Variants in TMEM135 observed in about 807,000 individuals in gnomAD.
TMEM135 encodes peroxisomal membrane protein 52.
Under a neutral mutation model 60.3 loss-of-function variants are expected in TMEM135, and 30 were observed. The observed-to-expected ratio is 0.50, with a 90% CI of 0.37 to 0.68. The LOEUF is 0.68. TMEM135 is among the 30% of genes least tolerant of loss of function. The pLI is 0.00. For synonymous variants in TMEM135, 190 were observed against 186.7 expected, an observed-to-expected ratio of 1.02 and a Z score of -0.14; for missense variants, 468 against 548.8, an observed-to-expected ratio of 0.85 and a Z score of 1.47.
At chr11:87,111,842 C>G (rs1200738943) in intron 4 of TMEM135, among the ~76,000 whole-genome samples, 1 of 151,748 alleles carries the variant, frequency 6.6e-6, no homozygotes. Context: ...TTTTATTGTC[C>G]CATTTATAGA....
chr11:87,102,197 G>C (rs934718101), intron 4 of TMEM135, among the ~76,000 whole-genome samples: 2 of 152,138 alleles, frequency 1.3e-5, no homozygotes, highest in Non-Finnish European at 2.9e-5. Flanking sequence ...CACCTCAGAT[G>C]CCAATAGAAA....
rs575867648 is a variant in TMEM135 at position 87,245,338 on chromosome 11, G to A, written c.509+8654G>A. 1.9e-4 allele frequency among the ~76,000 whole-genome samples: 23 copies of A among 118,286 alleles called. 2 individuals are homozygous for A. In the South Asian group the frequency reaches 2.2e-3, roughly 11 times the overall value. The allele number at this position is 118,286 out of a possible 152,430, so 77.6% of individuals were successfully genotyped here. On this transcript the variant is annotated intron_variant, in intron 6 of 14. Transcript: ENST00000305494. ...AAAATATATATTCTGTTGATTTGGG[G>A]TGGAGGGTTCTGTAGATGTCTGTTA... is the stretch of plus-strand genomic sequence containing the variant.
chr11:87,038,083 A>G lies in TMEM135; in HGVS notation c.38A>G (p.Tyr13Cys), dbSNP rs1207216652. Reference sequence around the variant, plus strand: ...AGCAAGTCCATCCCTCATAACTGCTATGAGATCGGCCACACTTGGCACCCT... The same window carrying G: ...AGCAAGTCCATCCCTCATAACTGCTGTGAGATCGGCCACACTTGGCACCCT... ...ALSKSIPHNC[Y>C]EIGHTWHPSC... Residue 13 changes from tyrosine (Y) to cysteine (C), a missense_variant, in exon 1 of 15, where the codon TAT becomes TGT. Physicochemically the swap from Tyr to Cys is radical, Grantham distance 194. Coordinates refer to ENST00000305494, the MANE Select transcript of TMEM135 (RefSeq NM_022918.4). 1 of 1,614,026 alleles carries G rather than the reference A, an allele frequency of 6.2e-7. No homozygotes were observed. Among genetic ancestry groups the G allele is most frequent in the Non-Finnish European group, 8.5e-7 (1 of 1,179,970 alleles).
Position 87,327,986 on chromosome 11 carries a change from C to G in TMEM135, c.*6653C>G, listed in dbSNP as rs1281250398. Reference sequence around the variant, plus strand: ...CTTCTCTGCCTAGTCCACGCTAACTCACATGCCAATCTCCTCTGGAAACAC... The same window carrying G: ...CTTCTCTGCCTAGTCCACGCTAACTGACATGCCAATCTCCTCTGGAAACAC... On this transcript the variant is annotated 3_prime_UTR_variant, in exon 15 of 15. Coordinates refer to ENST00000305494, the MANE Select transcript of TMEM135 (RefSeq NM_022918.4). 2 of 454,056 alleles carry G rather than the reference C, an allele frequency of 4.4e-6. No homozygotes were observed. The highest frequency in any genetic ancestry group is 3.1e-5 in the South Asian group (2 of 64,472). 28.1% of individuals were successfully genotyped at this position (454,056 alleles called of 1,614,324 possible).
At chr11:87,222,942 A>G (rs12788308) in intron 5 of TMEM135, among the ~76,000 whole-genome samples, 4 of 152,178 alleles carry the variant, frequency 2.6e-5, no homozygotes, top group Non-Finnish European at 5.9e-5. Context: ...GTAGTGATAG[A>G]CTGGATTGCT....
intron 6 of TMEM135, among the ~76,000 whole-genome samples, chr11:87,281,735 A>G (rs1205953845): frequency 6.6e-6 from 1 of 152,194 alleles, no homozygotes; most frequent in Non-Finnish European, 1.5e-5. Flanking sequence ...CTAAAGAAAT[A>G]TGAGTGGAAA....
intron 5 of TMEM135, among the ~76,000 whole-genome samples, chr11:87,207,114 GA>G (rs532846203): frequency 6.6e-6 from 1 of 152,150 alleles, no homozygotes; most frequent in Non-Finnish European, 1.5e-5. Flanking sequence ...GTACAGAACA[GA>G]ATGCTAGGAG....
intron 9 of TMEM135, among the ~76,000 whole-genome samples, chr11:87,307,496 A>C (rs1942571352): frequency 6.6e-6 from 1 of 152,154 alleles, no homozygotes; most frequent in African/African-American, 2.4e-5. Flanking sequence ...ATGGGGAACT[A>C]AGAGGAGTAT....
intron 1 of TMEM135, among the ~76,000 whole-genome samples, chr11:87,059,336 G>C (rs1376028095): frequency 6.9e-6 from 1 of 145,146 alleles, no homozygotes; most frequent in Non-Finnish European, 1.5e-5. Flanking sequence ...ATGGAGTCTC[G>C]CTCTGTTGCC....
intron 5 of TMEM135, among the ~76,000 whole-genome samples, chr11:87,203,242 C>T (rs1940160769): frequency 1.3e-5 from 2 of 151,964 alleles, no homozygotes; most frequent in African/African-American, 4.8e-5. Flanking sequence ...CATTAGGGTT[C>T]ACTCTTAATG....
intron 5 of TMEM135, among the ~76,000 whole-genome samples, chr11:87,168,271 A>AT (rs1315338927): frequency 6.6e-6 from 1 of 151,744 alleles, no homozygotes; most frequent in Non-Finnish European, 1.5e-5. Flanking sequence ...GGATTCATTG[A>AT]TTTTTCGAAG....
At chr11:87,263,954 AGAAAGGAAATAT>A (rs1399289603) in intron 6 of TMEM135, among the ~76,000 whole-genome samples, 1 of 152,046 alleles carries the variant, frequency 6.6e-6, no homozygotes, top group Non-Finnish European at 1.5e-5. Flanking sequence ...CAAGCCTTTT[AGAAAGGAAATAT>A]GAAATTAAAT....
intron 6 of TMEM135, among the ~76,000 whole-genome samples, chr11:87,288,763 A>G (rs1167140374): frequency 2.0e-5 from 3 of 152,164 alleles, no homozygotes; most frequent in African/African-American, 7.2e-5. Context: ...TTCTCATATC[A>G]AGATTTTTTT....
chr11:87,244,720 A>G (rs1419333510), intron 6 of TMEM135, among the ~76,000 whole-genome samples: 5 of 140,204 alleles, frequency 3.6e-5, no homozygotes, highest in Non-Finnish European at 6.3e-5. Context: ...TTTTTATTGC[A>G]TCTATTTGAT....
intron 6 of TMEM135, among the ~76,000 whole-genome samples, chr11:87,255,031 G>T (rs566579246): frequency 5.9e-5 from 9 of 152,244 alleles, no homozygotes; most frequent in Middle Eastern, 3.4e-3. Flanking sequence ...AGGAGCCAAA[G>T]GATTGGGATA....
Position 87,157,380 on chromosome 11 carries a change from A to G in TMEM135, c.436A>G (p.Thr146Ala), listed in dbSNP as rs776788970. The change falls in exon 5 of 15, where the codon ACC becomes GCC. Residue 146 changes from threonine to alanine, a missense_variant. Transcript: ENST00000305494. ...TLFRMGVARG[T>A]ITTLRNGEVL... is the part of the protein sequence containing the mutation. Reference sequence around the variant, plus strand: ...ATTCAGAATGGGTGTAGCAAGAGGAACCATCACAACATTAAGAAATGGAGA... The same window carrying G: ...ATTCAGAATGGGTGTAGCAAGAGGAGCCATCACAACATTAAGAAATGGAGA... 1.9e-6 allele frequency: 3 copies of G among 1,613,290 alleles called. No individual in the cohort carries two copies. The highest frequency in any genetic ancestry group is 3.3e-5 in the Admixed American group (2 of 59,966).
chr11:87,064,308 T>C (rs559803078), intron 1 of TMEM135, among the ~76,000 whole-genome samples: 6 of 151,732 alleles, frequency 4.0e-5, no homozygotes, highest in Admixed American at 6.6e-5. Context: ...AATTTTGAGA[T>C]AATTGTAGAT....
intron 5 of TMEM135, among the ~76,000 whole-genome samples, chr11:87,202,561 A>G (rs2135332553): frequency 6.6e-6 from 1 of 152,240 alleles, no homozygotes; most frequent in South Asian, 2.1e-4. Context: ...CATAGTTTGC[A>G]TTTTTATTAA....
At chr11:87,273,704 T>G (rs1941914131) in intron 6 of TMEM135, among the ~76,000 whole-genome samples, 1 of 152,214 alleles carries the variant, frequency 6.6e-6, no homozygotes, top group African/African-American at 2.4e-5. Context: ...ATATATGTCA[T>G]GTTCCTGGCA....
Sources: allele counts gnomAD v4.1 joint callset (sites outside exome capture counted in the v4.1 genomes callset), GRCh38; gene constraint gnomAD v4.1.1; transcripts MANE v1.5; gene names NCBI Gene and HGNC (gene_info 2026-07-23, HGNC 2026-07-21).